COL22A1: variants seen among roughly 807,000 people sequenced by gnomAD.
The protein encoded by COL22A1 is collagen alpha-1(XXII) chain.
In COL22A1, 221 loss-of-function variants were observed where a neutral mutation model predicts 248.9. The ratio of observed to expected loss-of-function variants is 0.89; its 90% confidence interval spans 0.80 to 0.99. COL22A1 has a LOEUF of 0.99. Ranked by LOEUF, COL22A1 falls within the 50% of genes least tolerant of loss-of-function variation. The pLI is 0.00. For missense variants in COL22A1, 2,240 were observed against 2,179.0 expected (o/e 1.03, Z -0.56); for synonymous variants, 891 against 793.4 (o/e 1.12, Z -2.07).
intron 22 of COL22A1, among the ~76,000 whole-genome samples, chr8:138,743,438 G>A (rs1451654968): frequency 3.3e-5 from 5 of 151,808 alleles, no homozygotes; most frequent in South Asian, 4.2e-4. Flanking sequence ...GATCATGATG[G>A]TGATGGTGGA....
chr8:138,733,647 G>A (rs527627151), intron 23 of COL22A1, among the ~76,000 whole-genome samples: 1 of 152,326 alleles, frequency 6.6e-6, no homozygotes, highest in African/African-American at 2.4e-5. Flanking sequence ...CGGTTTTCCA[G>A]GTCAGTGTCA....
At chr8:138,748,409 A>C (rs1832303918) in intron 22 of COL22A1, among the ~76,000 whole-genome samples, 1 of 152,246 alleles carries the variant, frequency 6.6e-6, no homozygotes, top group Non-Finnish European at 1.5e-5. Flanking sequence ...GCTTTCTGAC[A>C]GACTGACACA....
At chr8:138,790,492 G>C (rs1268977398) in intron 12 of COL22A1, among the ~76,000 whole-genome samples, 2 of 152,152 alleles carry the variant, frequency 1.3e-5, no homozygotes, top group Admixed American at 6.5e-5. Context: ...TGGGAGAGAG[G>C]CTCCAGGAAG....
intron 58 of COL22A1, 94 bp from the exon 59 acceptor site, chr8:138,604,863 T>C (rs145150243): frequency 2.2e-4 from 241 of 1,080,510 alleles, no homozygotes; most frequent in Non-Finnish European, 1.7e-4. Context: ...ACTCAAGTCA[T>C]GTTCCAGCAA....
chr8:138,880,223 G>A (rs1824087038), intron 2 of COL22A1, among the ~76,000 whole-genome samples: 1 of 152,214 alleles, frequency 6.6e-6, no homozygotes. Context: ...GACAGTGATG[G>A]CTGAAGAGGA....
At chr8:138,733,123 G>A (rs1218184415) in intron 23 of COL22A1, among the ~76,000 whole-genome samples, 2 of 152,040 alleles carry the variant, frequency 1.3e-5, no homozygotes, top group Admixed American at 6.6e-5. Flanking sequence ...GCCTCTTCTC[G>A]GGCCAAGCCC....
intron 5 of COL22A1, among the ~76,000 whole-genome samples, chr8:138,831,898 G>A (rs1304904728): frequency 6.6e-6 from 1 of 152,190 alleles, no homozygotes; most frequent in African/African-American, 2.4e-5. Context: ...GGTAAAATGA[G>A]GCTGAAACTT....
At chr8:138,664,792 T>A (rs1306643486) in intron 41 of COL22A1, among the ~76,000 whole-genome samples, 1 of 152,194 alleles carries the variant, frequency 6.6e-6, no homozygotes, top group African/African-American at 2.4e-5. Context: ...ATGAAAAATT[T>A]AAAGCACGAG....
intron 1 of COL22A1, among the ~76,000 whole-genome samples, chr8:138,894,343 A>G (rs1467643516): frequency 2.0e-5 from 3 of 152,188 alleles, no homozygotes; most frequent in Non-Finnish European, 2.9e-5. Flanking sequence ...TCAAACAGAA[A>G]TCCCAACAAC....
At chr8:138,901,579 C>T (rs1456934793) in intron 1 of COL22A1, among the ~76,000 whole-genome samples, 2 of 151,918 alleles carry the variant, frequency 1.3e-5, no homozygotes, top group African/African-American at 4.8e-5. Context: ...GTTGCCTAGG[C>T]TGGTCTCAAA....
intron 55 of COL22A1, 47 bp downstream of exon 55, chr8:138,615,954 C>G (rs749114879): frequency 2.0e-6 from 3 of 1,469,376 alleles, no homozygotes; most frequent in South Asian, 2.3e-5. Flanking sequence ...CCTTGATACA[C>G]CCACCCCCAG....
chr8:138,856,526 AAGAGAAAGAGAGAC>A (rs1216557144), intron 3 of COL22A1, among the ~76,000 whole-genome samples: 3 of 151,018 alleles, frequency 2.0e-5, no homozygotes, highest in African/African-American at 7.3e-5. Flanking sequence ...CAGAGAAAGC[AAGAGAAAGAGAGAC>A]AGAGACAGAG....
intron 1 of COL22A1, among the ~76,000 whole-genome samples, chr8:138,892,518 T>A (rs1422953760): frequency 3.9e-5 from 6 of 152,076 alleles, no homozygotes; most frequent in African/African-American, 1.4e-4. Flanking sequence ...AAGCATGGGG[T>A]ACCATTATTC....
intron 30 of COL22A1, among the ~76,000 whole-genome samples, chr8:138,704,778 C>A (rs941097468): frequency 6.6e-6 from 1 of 152,182 alleles, no homozygotes; most frequent in South Asian, 2.1e-4. Flanking sequence ...TTGAGAATGA[C>A]TTTGATGAGT....
intron 4 of COL22A1, among the ~76,000 whole-genome samples, chr8:138,843,101 G>A (rs1236012558): frequency 6.6e-6 from 1 of 152,244 alleles, no homozygotes; most frequent in South Asian, 2.1e-4. Flanking sequence ...CACTGGTTAG[G>A]AGCTGCTCCT....
At chr8:138,695,246 C>T (rs1299695276) in intron 32 of COL22A1, among the ~76,000 whole-genome samples, 1 of 152,170 alleles carries the variant, frequency 6.6e-6, no homozygotes, top group Non-Finnish European at 1.5e-5. Flanking sequence ...GAGCCTGGCA[C>T]ATGGTAGATC....
intron 25 of COL22A1, among the ~76,000 whole-genome samples, chr8:138,722,945 T>G (rs551066122): frequency 1.3e-5 from 2 of 148,178 alleles, no homozygotes; most frequent in South Asian, 4.3e-4. Flanking sequence ...ATAGCTAATG[T>G]ATGCTGGGCT....
At chr8:138,827,972 A>C (rs1256685985) in intron 5 of COL22A1, 2 of 151,536 alleles carry the variant, frequency 1.3e-5, no homozygotes, top group African/African-American at 4.9e-5. Context: ...GGGTTCTGGG[A>C]AACATCATTG....
At chr8:138,891,947 G>A (rs1388595041) in intron 1 of COL22A1, among the ~76,000 whole-genome samples, 1 of 152,192 alleles carries the variant, frequency 6.6e-6, no homozygotes, top group East Asian at 1.9e-4. Context: ...AACATTAATT[G>A]ATTTTCAGAT....
Sources: gnomAD v4.1 joint callset for allele counts (sites outside exome capture counted in the v4.1 genomes callset) on GRCh38, gnomAD v4.1.1 for gene constraint, MANE v1.5 for transcripts, NCBI Gene and HGNC (gene_info 2026-07-23, HGNC 2026-07-21) for gene names.